IMMP2L: variants seen among roughly 807,000 people sequenced by gnomAD.
IMMP2L encodes mitochondrial inner membrane protease subunit 2.
In IMMP2L, 18 loss-of-function variants were observed where a neutral mutation model predicts 19.3. That is an observed-to-expected ratio of 0.93 (90% CI 0.64 to 1.38). IMMP2L has a LOEUF of 1.38. Among genes scored for constraint, IMMP2L ranks in the 40% most tolerant of loss-of-function variants. IMMP2L has a pLI of 0.00. For missense variants in IMMP2L, 233 were observed against 218.2 expected, an observed-to-expected ratio of 1.07 and a Z score of -0.43; for synonymous variants, 76 against 73.0, an observed-to-expected ratio of 1.04 and a Z score of -0.21.
In IMMP2L at chr7:110,886,612, T is replaced by C; in HGVS notation, c.389A>G (p.Asp130Gly). 6.2e-7 allele frequency: 1 copy of C among 1,601,388 alleles called. No individual in the cohort carries two copies. The highest frequency in any genetic ancestry group is 8.6e-7 in the Non-Finnish European group (1 of 1,168,562). The change falls in exon 5 of 6, where the codon GAC becomes GGC. Residue 130 changes from aspartate to glycine, a missense_variant. Transcript: ENST00000405709. ...ACTTACCGGCCCAAAAGAATTACTG[T>C]CAAAACTGTGTCCATGATGATCACC... ...VEGDHHGHSFDSNSFGPVSLG... is the reference protein window; with the variant it reads ...VEGDHHGHSFGSNSFGPVSLG...
chr7:111,075,798 G>T (rs1464905993), intron 3 of IMMP2L, among the ~76,000 whole-genome samples: 1 of 152,018 alleles, frequency 6.6e-6, no homozygotes, highest in Non-Finnish European at 1.5e-5. Context: ...CTTAAACTCC[G>T]ATCTCTCCTC....
chr7:110,770,649 A>G (rs142603567), intron 5 of IMMP2L, among the ~76,000 whole-genome samples: 4 of 152,312 alleles, frequency 2.6e-5, no homozygotes, highest in African/African-American at 9.6e-5. Flanking sequence ...GCAGATCTGC[A>G]TCTTCACAGG....
chr7:111,071,120 T>A (rs544642016), intron 3 of IMMP2L, among the ~76,000 whole-genome samples: 1 of 151,996 alleles, frequency 6.6e-6, no homozygotes, highest in African/African-American at 2.4e-5. Flanking sequence ...ATGAAAAAAA[T>A]TTTCAACATA....
chr7:111,443,337 C>T (rs1228875491), intron 3 of IMMP2L, among the ~76,000 whole-genome samples: 1 of 149,516 alleles, frequency 6.7e-6, no homozygotes, highest in Non-Finnish European at 1.5e-5. Flanking sequence ...AAGGAACTTG[C>T]TACTTTAAAG....
chr7:111,340,056 T>C (rs901372193), intron 3 of IMMP2L, among the ~76,000 whole-genome samples: 21 of 151,928 alleles, frequency 1.4e-4, no homozygotes, highest in Admixed American at 1.1e-3. Context: ...CTGTAACATA[T>C]TAAACATAAT....
At chr7:111,232,411 G>C (rs1222256355) in intron 3 of IMMP2L, among the ~76,000 whole-genome samples, 1 of 148,032 alleles carries the variant, frequency 6.8e-6, no homozygotes, top group East Asian at 2.0e-4. Context: ...TTAGGTATGT[G>C]TGAACTCAGG....
intron 5 of IMMP2L, among the ~76,000 whole-genome samples, chr7:110,702,446 C>A (rs563875092): frequency 1.3e-5 from 2 of 152,150 alleles, no homozygotes; most frequent in South Asian, 4.2e-4. Flanking sequence ...CTAACATTAA[C>A]CATGAATATT....
chr7:111,066,889 G>A (rs950395475), intron 3 of IMMP2L, among the ~76,000 whole-genome samples: 1 of 152,172 alleles, frequency 6.6e-6, no homozygotes, highest in Middle Eastern at 3.2e-3. Flanking sequence ...TCAACCTAGA[G>A]ACTGAGATCA....
At chr7:110,890,397 C>T (rs1810674660) in intron 4 of IMMP2L, among the ~76,000 whole-genome samples, 1 of 152,100 alleles carries the variant, frequency 6.6e-6, no homozygotes, top group African/African-American at 2.4e-5. Context: ...ATAGAAGAAC[C>T]CTGGTAAAAT....
At chr7:111,513,751 G>A (rs986800076) in intron 2 of IMMP2L, among the ~76,000 whole-genome samples, 2 of 152,098 alleles carry the variant, frequency 1.3e-5, no homozygotes, top group African/African-American at 4.8e-5. Flanking sequence ...GTCAGTGTGG[G>A]TGTGGGTTTC....
intron 3 of IMMP2L, among the ~76,000 whole-genome samples, chr7:111,439,000 A>G (rs1437620511): frequency 6.6e-6 from 1 of 151,830 alleles, no homozygotes; most frequent in Non-Finnish European, 1.5e-5. Flanking sequence ...AAATGACAAC[A>G]TTACTTGGCA....
At chr7:111,160,770 GAAATATA>G (rs1805173045) in intron 3 of IMMP2L, among the ~76,000 whole-genome samples, 1 of 149,538 alleles carries the variant, frequency 6.7e-6, no homozygotes, top group Non-Finnish European at 1.5e-5. Flanking sequence ...TAAAAATGAA[GAAATATA>G]AAATATAAGA....
chr7:111,257,783 CTTTTT>C (rs1562975115), intron 3 of IMMP2L, among the ~76,000 whole-genome samples: 1 of 151,752 alleles, frequency 6.6e-6, no homozygotes, highest in Non-Finnish European at 1.5e-5. Flanking sequence ...TTTTCTTTTT[CTTTTT>C]TTTAATTACT....
intron 4 of IMMP2L, among the ~76,000 whole-genome samples, chr7:110,947,282 G>A (rs1339451482): frequency 6.6e-6 from 1 of 152,002 alleles, no homozygotes; most frequent in Admixed American, 6.5e-5. Context: ...CCACTTTATT[G>A]TTAAGGATGT....
chr7:111,038,516 T>C (rs1791570916), intron 3 of IMMP2L, among the ~76,000 whole-genome samples: 1 of 152,170 alleles, frequency 6.6e-6, no homozygotes, highest in South Asian at 2.1e-4. Context: ...ACTATGATCC[T>C]GAACGGTATG....
Position 110,704,506 on chromosome 7 carries a change from C to T in IMMP2L, c.409-40785G>A, listed in dbSNP as rs117702239. ...TAACCATTTTGTTATGTGGTGAATT[C>T]TGCATCAAGGAGAAGCACTTCTGTG... On this transcript the variant is annotated intron_variant, in intron 5 of 5. Coordinates refer to ENST00000405709, the MANE Select transcript of IMMP2L (RefSeq NM_032549.4). Among the ~76,000 whole-genome samples the T allele has an allele frequency of 2.6e-4, 39 of 152,300 alleles. No individual in the cohort carries two copies. The East Asian group carries it at 6.6e-3, about 26-fold the overall frequency.
intron 5 of IMMP2L, among the ~76,000 whole-genome samples, chr7:110,823,477 A>C (rs1563001118): frequency 1.3e-5 from 2 of 151,988 alleles, no homozygotes; most frequent in African/African-American, 4.8e-5. Flanking sequence ...AGTATTCTTT[A>C]TTTAAAGATG....
chr7:110,886,910 T>A (rs1810280058), intron 4 of IMMP2L, among the ~76,000 whole-genome samples: 1 of 152,178 alleles, frequency 6.6e-6, no homozygotes, highest in South Asian at 2.1e-4. Flanking sequence ...GGTAAGAATT[T>A]TGTGCTTAGA....
Position 111,303,452 on chromosome 7 carries a change from T to C in IMMP2L, c.239+183786A>G, listed in dbSNP as rs183553124. Among the ~76,000 whole-genome samples the C allele has an allele frequency of 1.1e-4, 17 of 152,244 alleles. No individual in the cohort carries two copies. The East Asian group carries it at 3.1e-3, about 28-fold the overall frequency. On this transcript the variant is annotated intron_variant, in intron 3 of 5. Coordinates refer to ENST00000405709, the MANE Select transcript of IMMP2L (RefSeq NM_032549.4). ...ACAGTTTGGAAGCAATCAATCTTGA[T>C]TATTTATTTCTGCAATGCTTTTACT...
Sources: gnomAD v4.1 joint callset for allele counts (sites outside exome capture counted in the v4.1 genomes callset) on GRCh38, gnomAD v4.1.1 for gene constraint, MANE v1.5 for transcripts, NCBI Gene and HGNC (gene_info 2026-07-23, HGNC 2026-07-21) for gene names.